Variants in ARHGAP6 observed in about 807,000 individuals in gnomAD.
The protein encoded by ARHGAP6 is rho GTPase-activating protein 6.
A neutral mutation model predicts 55.7 loss-of-function variants in ARHGAP6; 16 were observed. The ratio of observed to expected loss-of-function variants is 0.29; its 90% CI spans 0.19 to 0.44. ARHGAP6 has a LOEUF of 0.44. ARHGAP6 is among the 20% of genes least tolerant of loss of function. The probability of loss-of-function intolerance (pLI) is 1.00; values close to 1 mark genes in which losing one functional copy is unlikely to be tolerated. For missense variants in ARHGAP6, 698 were observed against 808.9 expected (o/e 0.86, Z 1.66); for synonymous variants, 382 against 360.9 (o/e 1.06, Z -0.66).
chrX:11,160,456 CAA>C (rs558867795), intron 9 of ARHGAP6, among the ~76,000 whole-genome samples: 1 of 75,439 alleles, frequency 1.3e-5, no homozygotes. Context: ...GACTCTGTCT[CAA>C]AAAAAAAAAA....
At chrX:11,157,899 C>G (rs999544692) in intron 9 of ARHGAP6, among the ~76,000 whole-genome samples, 1 of 112,057 alleles carries the variant, frequency 8.9e-6, no homozygotes, top group Non-Finnish European at 1.9e-5. Flanking sequence ...CTTCTAATCA[C>G]GCAAGCTCAA....
intron 1 of ARHGAP6, among the ~76,000 whole-genome samples, chrX:11,612,953 A>G (rs896252571): frequency 2.7e-5 from 3 of 112,908 alleles, no homozygotes; most frequent in African/African-American, 9.6e-5. Flanking sequence ...TTGTTTAAAC[A>G]CTAAGGTTTC....
intron 1 of ARHGAP6, among the ~76,000 whole-genome samples, chrX:11,578,830 C>T (rs764597653): frequency 5.3e-4 from 59 of 111,247 alleles, no homozygotes; most frequent in African/African-American, 1.8e-3. Flanking sequence ...CACATATACA[C>T]CATGGAATAC....
intron 1 of ARHGAP6, among the ~76,000 whole-genome samples, chrX:11,270,231 C>G (rs1019165120): frequency 8.9e-5 from 10 of 112,014 alleles, no homozygotes; most frequent in Non-Finnish European, 1.5e-4. Flanking sequence ...AATATCACAG[C>G]ATGCCAGCAA....
At chrX:11,500,027 A>G (rs1023869123) in intron 1 of ARHGAP6, among the ~76,000 whole-genome samples, 6 of 112,107 alleles carry the variant, frequency 5.4e-5, no homozygotes, top group Non-Finnish European at 1.1e-4. Context: ...GAGTAATACT[A>G]TTTTCTAACA....
intron 1 of ARHGAP6, among the ~76,000 whole-genome samples, chrX:11,408,143 C>A (rs1359005542): frequency 9.0e-6 from 1 of 110,932 alleles, no homozygotes; most frequent in Non-Finnish European, 1.9e-5. Context: ...GTCCATTAGT[C>A]AAAGGTGTTA....
intron 1 of ARHGAP6, among the ~76,000 whole-genome samples, chrX:11,277,409 G>C (rs752672959): frequency 9.0e-6 from 1 of 110,731 alleles, no homozygotes; most frequent in South Asian, 3.9e-4. Context: ...GGAATTGCTG[G>C]ATCATATGGT....
At chrX:11,533,891 C>A (rs1402603661) in intron 1 of ARHGAP6, among the ~76,000 whole-genome samples, 2 of 111,875 alleles carry the variant, frequency 1.8e-5, no homozygotes, top group Non-Finnish European at 3.8e-5. Flanking sequence ...GTGTTGAAAC[C>A]AAGTAATAGT....
chrX:11,557,942 G>C (rs1216794927), intron 1 of ARHGAP6, among the ~76,000 whole-genome samples: 6 of 111,779 alleles, frequency 5.4e-5, no homozygotes, highest in Admixed American at 4.7e-4. Flanking sequence ...TGGCCTCTCT[G>C]AATCATTCTA....
intron 1 of ARHGAP6, among the ~76,000 whole-genome samples, chrX:11,424,643 T>C (rs1246200911): frequency 8.9e-6 from 1 of 111,824 alleles, no homozygotes; most frequent in Non-Finnish European, 1.9e-5. Context: ...AATACCAGGA[T>C]GCACTCTAGC....
At chrX:11,162,341 C>CG (rs1256592817) in intron 9 of ARHGAP6, among the ~76,000 whole-genome samples, 2 of 97,182 alleles carry the variant, frequency 2.1e-5, no homozygotes, top group South Asian at 1.2e-3. Context: ...GTGCCCCCCC[C>CG]CCCATATTTA....
At chrX:11,162,323 C>T (rs1306113659) in intron 9 of ARHGAP6, among the ~76,000 whole-genome samples, 2 of 87,544 alleles carry the variant, frequency 2.3e-5, no homozygotes, top group Admixed American at 2.8e-4. Context: ...TACCCAGCTA[C>T]TGAAACTGTG....
chrX:11,471,912 ATT>A (rs2050350683), intron 1 of ARHGAP6, among the ~76,000 whole-genome samples: 1 of 111,702 alleles, frequency 9.0e-6, no homozygotes, highest in African/African-American at 3.3e-5. Context: ...GCTTGAGACC[ATT>A]CATTCAGTCA....
intron 10 of ARHGAP6, among the ~76,000 whole-genome samples, chrX:11,153,047 C>A (rs1421798158): frequency 9.0e-6 from 1 of 111,629 alleles, no homozygotes; most frequent in Non-Finnish European, 1.9e-5. Flanking sequence ...AGTCTGAAAG[C>A]TCCTAAAAGC....
rs200156085 is a variant in ARHGAP6 at position 11,171,397 on chromosome X, CAAA to C, written c.1630-1716_1630-1714del. 1.0e-4 allele frequency among the ~76,000 whole-genome samples: 10 copies of C among 97,163 alleles called. No individual in the cohort carries two copies. The East Asian group carries it at 1.9e-3, about 19-fold the overall frequency. 84.4% of individuals were successfully genotyped at this position (97,163 alleles called of 115,157 possible). On this transcript the variant is annotated intron_variant, in intron 8 of 12. Coordinates refer to ENST00000337414, the MANE Select transcript of ARHGAP6 (RefSeq NM_013427.3). ...ACATGCTACAATAATCTTTCCACTACAAAAAAAAAAAAAATCCTGTCTTCAGGC... is the reference window on the plus strand; with the variant it reads ...ACATGCTACAATAATCTTTCCACTACAAAAAAAAAAATCCTGTCTTCAGGC...
chrX:11,298,811 T>G, intron 1 of ARHGAP6: 1 of 1,210,199 alleles, frequency 8.3e-7, no homozygotes, highest in Non-Finnish European at 1.1e-6. Context: ...AGCCACAGCC[T>G]CACCAGCCCA....
intron 2 of ARHGAP6, among the ~76,000 whole-genome samples, chrX:11,250,791 C>G (rs1179111109): frequency 9.0e-6 from 1 of 111,221 alleles, no homozygotes; most frequent in African/African-American, 3.3e-5. Context: ...AGGACCTTAA[C>G]TCATCACGTT....
At chrX:11,238,695 A>C (rs2047236014) in intron 2 of ARHGAP6, among the ~76,000 whole-genome samples, 1 of 111,616 alleles carries the variant, frequency 9.0e-6, no homozygotes, top group South Asian at 3.8e-4. Context: ...TCTGTCTTGC[A>C]CCCCTCCACT....
chrX:11,355,557 T>C (rs1448333894), intron 1 of ARHGAP6, among the ~76,000 whole-genome samples: 1 of 112,383 alleles, frequency 8.9e-6, no homozygotes, highest in African/African-American at 3.2e-5. Context: ...CTGGGCCTCC[T>C]TCAAGGAGAC....
Sources: gnomAD v4.1 joint callset for allele counts (sites outside exome capture counted in the v4.1 genomes callset) on GRCh38, gnomAD v4.1.1 for gene constraint, MANE v1.5 for transcripts, NCBI Gene and HGNC (gene_info 2026-07-23, HGNC 2026-07-21) for gene names.